Variants in CNTNAP2 observed in about 807,000 individuals in gnomAD.
CNTNAP2 encodes the protein contactin associated protein 2, also known as contactin-associated protein-like 2.
In CNTNAP2, 98 loss-of-function variants were observed where a neutral mutation model predicts 155.2. The observed-to-expected ratio is 0.63, with a 90% confidence interval of 0.54 to 0.75. The LOEUF (loss-of-function observed/expected upper bound fraction) is 0.75. Among genes scored for constraint, CNTNAP2 ranks in the 30% least tolerant of loss-of-function variants. The probability of loss-of-function intolerance (pLI) is 0.00; values close to 1 mark genes in which losing one functional copy is unlikely to be tolerated. For synonymous variants in CNTNAP2, 651 were observed against 631.2 expected (o/e 1.03, Z -0.47); for missense variants, 1,727 against 1,688.1 (o/e 1.02, Z -0.40).
At chr7:146,600,496 G>C (rs532996113) in intron 1 of CNTNAP2, among the ~76,000 whole-genome samples, 1 of 151,814 alleles carries the variant, frequency 6.6e-6, no homozygotes, top group Non-Finnish European at 1.5e-5. Flanking sequence ...TCCATTTTTT[G>C]CACACATAAT....
chr7:146,633,483 G>A (rs1042438508), intron 1 of CNTNAP2, among the ~76,000 whole-genome samples: 1 of 152,068 alleles, frequency 6.6e-6, no homozygotes, highest in Non-Finnish European at 1.5e-5. Flanking sequence ...TTTGATGTTA[G>A]TGTGAAGTTA....
chr7:146,235,045 G>A (rs1328014621), intron 1 of CNTNAP2, among the ~76,000 whole-genome samples: 2 of 152,072 alleles, frequency 1.3e-5, no homozygotes, highest in African/African-American at 2.4e-5. Context: ...TATAGGCCTA[G>A]GAAAGTATGA....
At chr7:147,016,586 G>C (rs1034968577) in intron 3 of CNTNAP2, among the ~76,000 whole-genome samples, 1 of 151,946 alleles carries the variant, frequency 6.6e-6, no homozygotes, top group African/African-American at 2.4e-5. Context: ...TTGACAGATG[G>C]TTTCATCTGA....
At chr7:148,057,853 T>C (rs1048188169) in intron 15 of CNTNAP2, among the ~76,000 whole-genome samples, 3 of 151,978 alleles carry the variant, frequency 2.0e-5, no homozygotes, top group Non-Finnish European at 4.4e-5. Context: ...TTATTTCACT[T>C]CTCTAAGCTT....
intron 8 of CNTNAP2, among the ~76,000 whole-genome samples, chr7:147,138,268 G>C (rs1419989237): frequency 6.6e-6 from 1 of 151,846 alleles, no homozygotes; most frequent in African/African-American, 2.4e-5. Flanking sequence ...CTAGAACTGA[G>C]CTGGAAAGGA....
At chr7:146,211,451 C>T (rs1799034302) in intron 1 of CNTNAP2, among the ~76,000 whole-genome samples, 1 of 152,100 alleles carries the variant, frequency 6.6e-6, no homozygotes, top group South Asian at 2.1e-4. Context: ...GTGAAGGTGA[C>T]ATTATTCTTT....
chr7:147,312,944 G>A (rs1795152719), intron 9 of CNTNAP2, among the ~76,000 whole-genome samples: 1 of 136,420 alleles, frequency 7.3e-6, no homozygotes, highest in African/African-American at 3.0e-5. Flanking sequence ...AGTTTTTAAT[G>A]ATCGCCATTC....
intron 1 of CNTNAP2, among the ~76,000 whole-genome samples, chr7:146,235,423 G>C (rs1306098991): frequency 2.0e-5 from 3 of 152,010 alleles, no homozygotes; most frequent in African/African-American, 7.2e-5. Context: ...TGTGAGACAA[G>C]GAATCCAGGC....
At chr7:147,112,850 T>G (rs1166335873) in intron 5 of CNTNAP2, among the ~76,000 whole-genome samples, 1 of 152,106 alleles carries the variant, frequency 6.6e-6, no homozygotes, top group Non-Finnish European at 1.5e-5. Flanking sequence ...GTTGTTGTTG[T>G]TGTTGTTGTA....
chr7:146,768,663 A>G (rs1391730118), intron 1 of CNTNAP2, among the ~76,000 whole-genome samples: 2 of 151,972 alleles, frequency 1.3e-5, no homozygotes, highest in Non-Finnish European at 2.9e-5. Flanking sequence ...GCCTTTTGCC[A>G]TGGAATTTTT....
At chr7:146,440,690 T>C (rs1248923025) in intron 1 of CNTNAP2, among the ~76,000 whole-genome samples, 2 of 151,696 alleles carry the variant, frequency 1.3e-5, no homozygotes. Context: ...TAAAGTTGGC[T>C]GATGAGAGGT....
rs79988425 is a variant in CNTNAP2 at position 148,104,970 on chromosome 7, A to T, written c.2384-13148A>T. ...GGAATTCCCATGGTTCAAATTTATT[A>T]AAAAAAACACACTATTTTCATTTAT... On this transcript the variant is annotated intron_variant, in intron 15 of 23. Coordinates refer to ENST00000361727, the MANE Select transcript of CNTNAP2 (RefSeq NM_014141.6). Among the ~76,000 whole-genome samples the T allele has an allele frequency of 8.9e-3, 1,361 of 152,094 alleles. 21 individuals carry two copies. The highest frequency in any genetic ancestry group is 0.029 in the African/African-American group (1,208 of 41,468).
At chr7:147,371,598 T>A (rs1197095936) in intron 9 of CNTNAP2, among the ~76,000 whole-genome samples, 1 of 152,148 alleles carries the variant, frequency 6.6e-6, no homozygotes, top group African/African-American at 2.4e-5. Context: ...TAGTCTTTTG[T>A]AGTGTTGCAG....
intron 1 of CNTNAP2, among the ~76,000 whole-genome samples, chr7:146,718,045 C>A (rs1209345518): frequency 1.3e-5 from 2 of 152,058 alleles, no homozygotes; most frequent in Non-Finnish European, 2.9e-5. Flanking sequence ...TAGGCAGCAG[C>A]CAATAAACTT....
chr7:147,837,649 C>T (rs1327689936), intron 13 of CNTNAP2, among the ~76,000 whole-genome samples: 1 of 152,196 alleles, frequency 6.6e-6, no homozygotes, highest in Non-Finnish European at 1.5e-5. Flanking sequence ...AAGTTAGTTA[C>T]ACCCTAGATA....
At chr7:146,668,979 T>G (rs142995499) in intron 1 of CNTNAP2, among the ~76,000 whole-genome samples, 234 of 152,324 alleles carry the variant, frequency 1.5e-3, no homozygotes, top group African/African-American at 5.4e-3. Flanking sequence ...TGGTCTATGT[T>G]GTTAAATATT....
chr7:148,285,846 CT>C (rs1456582629), intron 21 of CNTNAP2, among the ~76,000 whole-genome samples: 2 of 152,124 alleles, frequency 1.3e-5, no homozygotes, highest in Non-Finnish European at 2.9e-5. Context: ...TGCTGACCCC[CT>C]ATGCAGTCAA....
chr7:146,215,617 A>AAT lies in CNTNAP2; in HGVS notation c.97+98655_97+98656dup, dbSNP rs199916510. Among the ~76,000 whole-genome samples, 12 of 149,722 alleles carry AAT rather than the reference A, an allele frequency of 8.0e-5. No individual in the cohort carries two copies. In the South Asian group the frequency reaches 8.5e-4, roughly 11 times the overall value. ...TATATCTATATTATCTTATATGAAT[A>AAT]ATATATATATATTTTTTTACTTGCC... On this transcript the variant is annotated intron_variant, in intron 1 of 23. Transcript: ENST00000361727.
intron 3 of CNTNAP2, among the ~76,000 whole-genome samples, chr7:146,979,037 A>G (rs1797965441): frequency 6.6e-6 from 1 of 152,216 alleles, no homozygotes; most frequent in Non-Finnish European, 1.5e-5. Flanking sequence ...TGGACAAAAC[A>G]TTAATGCCTA....
Sources: gnomAD v4.1 joint callset for allele counts (sites outside exome capture counted in the v4.1 genomes callset) on GRCh38, gnomAD v4.1.1 for gene constraint, MANE v1.5 for transcripts, NCBI Gene and HGNC (gene_info 2026-07-23, HGNC 2026-07-21) for gene names.